The following RHCE variants were observed in gnomAD, a reference collection of about 807,000 sequenced individuals.
RHCE encodes the protein Rh blood group CcEe antigens, also known as blood group Rh(CE) polypeptide.
In RHCE, 22 loss-of-function variants were observed where a neutral mutation model predicts 43.8. The observed-to-expected ratio is 0.50, with a 90% confidence interval of 0.36 to 0.72. The LOEUF is 0.72. RHCE is among the 30% of genes least tolerant of loss of function. RHCE has a pLI of 0.00. For synonymous variants in RHCE, 156 were observed against 210.7 expected (o/e 0.74, Z 2.25); for missense variants, 385 against 525.4 (o/e 0.73, Z 2.61).
chr1:25,385,961 C>T, intron 6 of RHCE, 117 bp from the exon 7 acceptor site: 2 of 1,467,512 alleles, frequency 1.4e-6, no homozygotes, highest in Non-Finnish European at 1.9e-6. Flanking sequence ...CTAAGGCTCA[C>T]CTCAAAGAAG....
chr1:25,382,634 G>A (rs1646034666), intron 7 of RHCE, among the ~76,000 whole-genome samples: 2 of 151,964 alleles, frequency 1.3e-5, no homozygotes, highest in Admixed American at 6.6e-5. Context: ...CTCAACACAT[G>A]TCCTCACAGC....
intron 1 of RHCE, among the ~76,000 whole-genome samples, chr1:25,414,980 T>G (rs758594967): frequency 6.6e-6 from 1 of 152,128 alleles, no homozygotes; most frequent in East Asian, 1.9e-4. Context: ...ATTGATACTC[T>G]CTGCTTCCCC....
chr1:25,386,757 G>C (rs1356003545), intron 6 of RHCE, among the ~76,000 whole-genome samples: 1 of 152,118 alleles, frequency 6.6e-6, no homozygotes, highest in Non-Finnish European at 1.5e-5. Flanking sequence ...GGGAGGCAGA[G>C]CTTGCAGTAA....
chr1:25,378,921 A>G (rs1449041728), intron 7 of RHCE, among the ~76,000 whole-genome samples: 1 of 152,212 alleles, frequency 6.6e-6, no homozygotes, highest in African/African-American at 2.4e-5. Flanking sequence ...GTGGAAAAAA[A>G]GTACAGCAAT....
At chr1:25,386,105 A>G (rs1646149911) in intron 6 of RHCE, among the ~76,000 whole-genome samples, 1 of 152,166 alleles carries the variant, frequency 6.6e-6, no homozygotes, top group South Asian at 2.1e-4. Context: ...CTGCTCATCT[A>G]CGGACCACAC....
intron 1 of RHCE, among the ~76,000 whole-genome samples, chr1:25,415,078 C>A (rs539783185): frequency 2.6e-5 from 4 of 152,232 alleles, no homozygotes; most frequent in African/African-American, 9.6e-5. Context: ...CCCCTTCTGT[C>A]TCTCACCTCA....
At chr1:25,390,645 A>G (rs1646327740) in intron 5 of RHCE, 104 bp downstream of exon 5, 6 of 1,333,814 alleles carry the variant, frequency 4.5e-6, no homozygotes. Flanking sequence ...ACCACCCGGC[A>G]TGCCCTCTCC....
At chr1:25,427,923 A>G (rs2042817469) in intron 2 of RHCE, among the ~76,000 whole-genome samples, 1 of 152,202 alleles carries the variant, frequency 6.6e-6, no homozygotes, top group African/African-American at 2.4e-5. Flanking sequence ...GACACTAGTG[A>G]GTTGCCATGT....
chr1:25,417,874 C>A (rs71638382), intron 1 of RHCE, among the ~76,000 whole-genome samples: 1 of 152,202 alleles, frequency 6.6e-6, no homozygotes, highest in Non-Finnish European at 1.5e-5. Context: ...CATGCCCCTT[C>A]CCCTGTGCCC....
chr1:25,368,698 T>A (rs1571820755), intron 9 of RHCE, among the ~76,000 whole-genome samples: 1 of 149,730 alleles, frequency 6.7e-6, no homozygotes, highest in East Asian at 2.0e-4. Flanking sequence ...GACTCCTGAA[T>A]TAGGCTCAAA....
chr1:25,376,274 C>T (rs1296867308), intron 7 of RHCE, among the ~76,000 whole-genome samples: 2 of 152,156 alleles, frequency 1.3e-5, no homozygotes, highest in Non-Finnish European at 1.5e-5. Flanking sequence ...TAAGCTATTA[C>T]GGGGGCCCCT....
At chr1:25,410,761 T>C (rs1330255373) in intron 1 of RHCE, among the ~76,000 whole-genome samples, 1 of 152,142 alleles carries the variant, frequency 6.6e-6, no homozygotes. Context: ...CATAGCTCTG[T>C]TCGATCCCAG....
intron 8 of RHCE, among the ~76,000 whole-genome samples, chr1:25,371,034 G>A (rs1645595569): frequency 6.7e-6 from 1 of 149,470 alleles, no homozygotes; most frequent in African/African-American, 2.5e-5. Context: ...AGTATTATAG[G>A]CATAAGCCAC....
chr1:25,425,500 T>G (rs567165735), upstream of RHCE, among the ~76,000 whole-genome samples: 5 of 152,328 alleles, frequency 3.3e-5, no homozygotes, highest in South Asian at 1.0e-3. Flanking sequence ...CAATTCTGCC[T>G]CCCAAGTTAC....
rs1158905409 is a variant in RHCE, at chr1:25,418,843, A to G, written c.148+1796T>C. On this transcript the variant is annotated intron_variant, in intron 1 of 9. Transcript: ENST00000294413. ...TGGACCCTCCTCTGAGCTTCCATAT[A>G]AAGTGAGTTTCTGAGGACATTTTGT... is the stretch of plus-strand genomic sequence containing the variant. Among the ~76,000 whole-genome samples, 5 of 152,194 alleles carry G rather than the reference A, an allele frequency of 3.3e-5. No homozygotes were observed. The East Asian group carries it at 9.6e-4, about 29-fold the overall frequency.
intron 7 of RHCE, among the ~76,000 whole-genome samples, chr1:25,376,961 G>A (rs1443180527): frequency 6.6e-6 from 1 of 151,954 alleles, no homozygotes; most frequent in East Asian, 1.9e-4. Flanking sequence ...AAAAAGAGTT[G>A]CCACCCTGCT....
chr1:25,389,437 G>A (rs1476330457), intron 5 of RHCE, among the ~76,000 whole-genome samples: 7 of 152,100 alleles, frequency 4.6e-5, no homozygotes, highest in Admixed American at 4.6e-4. Context: ...CGGGAAGAAT[G>A]GGTTTTTGTT....
At chr1:25,379,626 T>C (rs1457769935) in intron 7 of RHCE, among the ~76,000 whole-genome samples, 1 of 150,274 alleles carries the variant, frequency 6.7e-6, no homozygotes, top group East Asian at 2.0e-4. Context: ...TGTCTCAGCC[T>C]CCTGAGTAGC....
At chr1:25,400,787 A>G (rs1225455512) in intron 3 of RHCE, among the ~76,000 whole-genome samples, 1 of 151,704 alleles carries the variant, frequency 6.6e-6, no homozygotes, top group Non-Finnish European at 1.5e-5. Context: ...TCCCACCCCA[A>G]TGTTCCCCAT....
Sources: allele counts gnomAD v4.1 joint callset (sites outside exome capture counted in the v4.1 genomes callset), GRCh38; gene constraint gnomAD v4.1.1; transcripts MANE v1.5; gene names NCBI Gene and HGNC (gene_info 2026-07-23, HGNC 2026-07-21).